Variants in HEPHL1 observed in about 807,000 individuals in gnomAD.
HEPHL1 encodes the protein hephaestin like 1, also known as ferroxidase HEPHL1.
In HEPHL1, 123 loss-of-function variants were observed where a neutral mutation model predicts 122.0. That is an observed-to-expected ratio of 1.01 (90% CI 0.87 to 1.17). The LOEUF is 1.17. HEPHL1 is among the 50% of genes most tolerant of loss of function. HEPHL1 has a pLI of 0.00. For missense variants in HEPHL1, 1,452 were observed against 1,430.5 expected (o/e 1.01, Z -0.24); for synonymous variants, 527 against 508.9 (o/e 1.04, Z -0.48).
rs779145324 is a variant in HEPHL1, at chr11:94,045,876, C to T, written c.374C>T (p.Ser125Phe). The T allele has an allele frequency of 6.2e-7, 1 of 1,613,878 alleles. No homozygotes were observed. The highest frequency in any genetic ancestry group is 2.2e-5 in the East Asian group (1 of 44,882). ...HLKNFASRPY[S>F]LHPHGVFYNK... ...AAGAACTTTGCTTCTCGACCTTACTCTCTGCATCCACATGGCGTTTTCTAC... is the reference window on the plus strand; with the variant it reads ...AAGAACTTTGCTTCTCGACCTTACTTTCTGCATCCACATGGCGTTTTCTAC... The change falls in exon 2 of 20, where the codon TCT becomes TTT. Residue 125 changes from serine (S) to phenylalanine (F), a missense_variant. Physicochemically the swap from Ser to Phe is radical, Grantham distance 155. Transcript: ENST00000315765.
chr11:94,072,581 A>G (rs1024455808), intron 6 of HEPHL1, among the ~76,000 whole-genome samples: 20 of 152,112 alleles, frequency 1.3e-4, no homozygotes, highest in Admixed American at 3.3e-4. Context: ...TAATTACACT[A>G]TTTGATTAAC....
At chr11:94,031,110 T>G (rs887037605) in intron 1 of HEPHL1, among the ~76,000 whole-genome samples, 2 of 152,002 alleles carry the variant, frequency 1.3e-5, no homozygotes, top group Non-Finnish European at 2.9e-5. Flanking sequence ...TGGGTCTTCT[T>G]TTTTTTTCAA....
intron 2 of HEPHL1, chr11:94,055,796 A>T: frequency 7.2e-6 from 3 of 418,306 alleles, no homozygotes; most frequent in South Asian, 6.7e-5. Flanking sequence ...TTCTGTACCC[A>T]TAGGATGAGA....
At chr11:94,091,406 G>A (rs776973822) in intron 12 of HEPHL1, among the ~76,000 whole-genome samples, 1 of 152,214 alleles carries the variant, frequency 6.6e-6, no homozygotes, top group Non-Finnish European at 1.5e-5. Flanking sequence ...GTGGCTACAG[G>A]TTCTGCACTG....
chr11:94,021,867 C>T (rs1413057955), intron 1 of HEPHL1, among the ~76,000 whole-genome samples: 1 of 152,156 alleles, frequency 6.6e-6, no homozygotes, highest in African/African-American at 2.4e-5. Context: ...AATGACAACA[C>T]TTGGGATGAA....
chr11:94,082,435 G>A lies in HEPHL1; in HGVS notation c.1734G>A (p.Glu578=), dbSNP rs778225760. ...ADGTQKGIDK[E]FYLLFTVFDE... is the part of the protein sequence containing the mutation. ...CTCTGTAGAAAGGAATAGACAAGGA[G>A]TTTTACCTACTGTTCACAGTCTTTG... is the stretch of plus-strand genomic sequence containing the variant. Residue 578 remains glutamate, a synonymous_variant, in exon 10 of 20, where the codon GAG becomes GAA. Transcript: ENST00000315765. The A allele has an allele frequency of 2.1e-5, 34 of 1,611,136 alleles. No individual in the cohort carries two copies. The African/African-American group carries it at 2.7e-4, about 13-fold the overall frequency.
chr11:94,026,836 C>A (rs2048073274), intron 1 of HEPHL1, among the ~76,000 whole-genome samples: 1 of 152,168 alleles, frequency 6.6e-6, no homozygotes, highest in Non-Finnish European at 1.5e-5. Flanking sequence ...TCTTGCCCCA[C>A]TTTATGGGCA....
intron 13 of HEPHL1, among the ~76,000 whole-genome samples, chr11:94,100,520 T>C (rs895809129): frequency 6.6e-6 from 1 of 152,238 alleles, no homozygotes; most frequent in Non-Finnish European, 1.5e-5. Flanking sequence ...TGAAGAGTGC[T>C]TGTCTCCTTG....
At chr11:94,071,906 A>T (rs1255811735) in intron 6 of HEPHL1, among the ~76,000 whole-genome samples, 1 of 152,142 alleles carries the variant, frequency 6.6e-6, no homozygotes, top group African/African-American at 2.4e-5. Flanking sequence ...GAATGAACAG[A>T]TGAGACTGCA....
intron 2 of HEPHL1, among the ~76,000 whole-genome samples, chr11:94,049,637 A>G (rs1209347763): frequency 1.4e-5 from 2 of 145,622 alleles, no homozygotes; most frequent in Admixed American, 6.8e-5. Flanking sequence ...AAAAAAAATC[A>G]ATGACCATAA....
intron 3 of HEPHL1, 69 bp from the exon 4 acceptor site, chr11:94,064,262 C>T: frequency 1.6e-6 from 2 of 1,231,226 alleles, no homozygotes; most frequent in Non-Finnish European, 2.3e-6. Flanking sequence ...TTGCCTGACA[C>T]TATTGGAAGG....
intron 1 of HEPHL1, among the ~76,000 whole-genome samples, chr11:94,022,796 T>C (rs1945592972): frequency 6.6e-6 from 1 of 152,184 alleles, no homozygotes; most frequent in Non-Finnish European, 1.5e-5. Context: ...GTACCAAAAA[T>C]GCCAGGAGCC....
At chr11:94,027,101 G>A (rs1218462113) in intron 1 of HEPHL1, among the ~76,000 whole-genome samples, 4 of 152,088 alleles carry the variant, frequency 2.6e-5, no homozygotes, top group East Asian at 3.9e-4. Flanking sequence ...TCTGGTATCT[G>A]CCAGCATTCC....
chr11:94,053,482 C>T (rs907413985), intron 2 of HEPHL1, among the ~76,000 whole-genome samples: 3 of 151,584 alleles, frequency 2.0e-5, no homozygotes, highest in Non-Finnish European at 2.9e-5. Flanking sequence ...TTTATTTCTT[C>T]TTTCTACTTG....
intron 1 of HEPHL1, among the ~76,000 whole-genome samples, chr11:94,038,643 T>C (rs2134410154): frequency 9.3e-6 from 1 of 108,098 alleles, no homozygotes; most frequent in Middle Eastern, 4.2e-3. Flanking sequence ...GAAGGAGAAA[T>C]AAAATCCTTT....
intron 6 of HEPHL1, among the ~76,000 whole-genome samples, chr11:94,072,062 A>C (rs888115640): frequency 1.3e-5 from 2 of 152,154 alleles, no homozygotes; most frequent in African/African-American, 4.8e-5. Context: ...GAGCAGGTAA[A>C]TAGCAATAAC....
intron 5 of HEPHL1, among the ~76,000 whole-genome samples, chr11:94,069,770 G>C (rs1397109222): frequency 6.6e-6 from 1 of 152,014 alleles, no homozygotes; most frequent in Non-Finnish European, 1.5e-5. Context: ...ATTATTTATA[G>C]ATGTTTGCAC....
chr11:94,054,081 CTATT>C (rs1945914525), intron 2 of HEPHL1, among the ~76,000 whole-genome samples: 1 of 152,088 alleles, frequency 6.6e-6, no homozygotes, highest in South Asian at 2.1e-4. Context: ...GTTGAGTTGT[CTATT>C]TGTTCTTTTT....
rs1033326580 is a variant in HEPHL1 at position 94,041,571 on chromosome 11, A to T, written c.171-4102A>T. Among the ~76,000 whole-genome samples, 9 of 76,274 alleles carry T rather than the reference A, an allele frequency of 1.2e-4. 1 individual carries two copies. In the East Asian group the frequency reaches 2.6e-3, roughly 22 times the overall value. The allele number at this position is 76,274 out of a possible 152,430, so 50.0% of individuals were successfully genotyped here. On this transcript the variant is annotated intron_variant, in intron 1 of 19. Transcript: ENST00000315765. ...ACAGAGCCCTCAGAAATAACGCCAC[A>T]TACCTACAACTATCTGATCTTTGAC...
Sources: allele counts gnomAD v4.1 joint callset (sites outside exome capture counted in the v4.1 genomes callset), GRCh38; gene constraint gnomAD v4.1.1; transcripts MANE v1.5; gene names NCBI Gene and HGNC (gene_info 2026-07-23, HGNC 2026-07-21).